RBM20: variants seen among roughly 807,000 people sequenced by gnomAD.
RBM20 encodes RNA-binding protein 20.
A neutral mutation model predicts 110.1 loss-of-function variants in RBM20; 51 were observed. The observed-to-expected ratio is 0.46, with a 90% CI of 0.37 to 0.59. RBM20 has a LOEUF of 0.59. RBM20 is among the 20% of genes least tolerant of loss of function. The pLI is 0.00. For synonymous variants in RBM20, 589 were observed against 618.2 expected (o/e 0.95, Z 0.70); for missense variants, 1,512 against 1,574.9 (o/e 0.96, Z 0.68).
chr10:110,805,830 C>T (rs975191675), intron 7 of RBM20, among the ~76,000 whole-genome samples: 1 of 152,140 alleles, frequency 6.6e-6, no homozygotes, highest in Non-Finnish European at 1.5e-5. Context: ...GTAGTTGGTC[C>T]CTTGTGGGGC....
intron 1 of RBM20, among the ~76,000 whole-genome samples, chr10:110,734,033 C>T (rs11195290): frequency 1.3e-5 from 2 of 152,024 alleles, no homozygotes; most frequent in African/African-American, 2.4e-5. Flanking sequence ...TTGTAAAAAT[C>T]AAATCAACCC....
intron 1 of RBM20, among the ~76,000 whole-genome samples, chr10:110,650,540 T>A (rs4918549): frequency 0.38 from 57,556 of 152,104 alleles, 12,470 homozygotes; most frequent in East Asian, 0.59. Flanking sequence ...TATCACCCCA[T>A]GAAGATAGTT....
In RBM20 at chr10:110,837,901, T is replaced by G. The variant is rs144707270; in HGVS notation, c.*1923T>G. On this transcript the variant is annotated 3_prime_UTR_variant, in exon 14 of 14. Coordinates refer to ENST00000369519, the MANE Select transcript of RBM20 (RefSeq NM_001134363.3). ...TCATCATCAGGCTATTAAATAAAAT[T>G]TATAGGAGGCTGTTGGTTTGGACTG... 6 of 152,034 alleles carry G rather than the reference T, an allele frequency of 3.9e-5. No homozygotes were observed. The highest frequency in any genetic ancestry group is 5.9e-5 in the Non-Finnish European group (4 of 68,000). 9.4% of individuals were successfully genotyped at this position (152,034 alleles called of 1,614,324 possible). A position where few individuals can be genotyped will look rare whatever the true frequency, so the allele number is the denominator to read the frequency against.
chr10:110,818,677 G>T (rs1286292100), intron 9 of RBM20, among the ~76,000 whole-genome samples: 2 of 152,270 alleles, frequency 1.3e-5, no homozygotes, highest in Non-Finnish European at 2.9e-5. Flanking sequence ...CGGCTAGCAA[G>T]ACTGTCCCTG....
At chr10:110,652,700 A>T (rs1024592488) in intron 1 of RBM20, among the ~76,000 whole-genome samples, 10 of 152,228 alleles carry the variant, frequency 6.6e-5, no homozygotes, top group African/African-American at 2.4e-4. Flanking sequence ...AAGGTCACAC[A>T]GCGAGGGAGT....
Position 110,781,819 on chromosome 10 carries a change from G to T in RBM20, c.1210G>T (p.Gly404Cys), listed in dbSNP as rs530925237. 1.9e-6 allele frequency: 3 copies of T among 1,551,754 alleles called. No individual in the cohort carries two copies. Among genetic ancestry groups the T allele is most frequent in the Non-Finnish European group, 2.6e-6 (3 of 1,147,018 alleles). The change falls in exon 2 of 14, where the codon GGT becomes TGT. Residue 404 changes from glycine to cysteine, a missense_variant. Gly to Cys is a radical substitution (Grantham distance 159). Around this residue, in one of 3 missense-constraint regions of RBM20, gnomAD observed 1,149 missense variants for 1,169.4 expected, o/e 0.98. Transcript: ENST00000369519. The stretch of plus-strand genomic sequence containing the variant: ...GGCTCATGAGCTGAACGACTTTCAC[G>T]GTGTGGCCCCCCTCCACTTGCCGCA... Reference protein sequence around the residue: ...LQAHELNDFHGVAPLHLPHIC... With the variant: ...LQAHELNDFHCVAPLHLPHIC...
intron 12 of RBM20, 130 bp downstream of exon 12, chr10:110,823,744 G>C: frequency 1.0e-6 from 1 of 955,570 alleles, no homozygotes; most frequent in Non-Finnish European, 1.6e-6. Context: ...TTGAGACAAG[G>C]TCTCACTCTG....
chr10:110,655,356 A>C (rs549661751), intron 1 of RBM20, among the ~76,000 whole-genome samples: 1 of 151,448 alleles, frequency 6.6e-6, no homozygotes, highest in Admixed American at 6.6e-5. Flanking sequence ...TTCCATGAAC[A>C]AATCTGACTC....
intron 1 of RBM20, among the ~76,000 whole-genome samples, chr10:110,760,078 G>A (rs979833681): frequency 6.6e-6 from 1 of 152,162 alleles, no homozygotes; most frequent in Non-Finnish European, 1.5e-5. Context: ...TGATGACCTT[G>A]GTCCCTCTGA....
chr10:110,740,428 T>G (rs2134967181), intron 1 of RBM20, among the ~76,000 whole-genome samples: 1 of 152,230 alleles, frequency 6.6e-6, no homozygotes, highest in South Asian at 2.1e-4. Flanking sequence ...GAGTGTTTCA[T>G]GGGCAAGGGT....
intron 1 of RBM20, among the ~76,000 whole-genome samples, chr10:110,730,265 T>G (rs1375661713): frequency 6.6e-6 from 1 of 152,254 alleles, no homozygotes. Context: ...CTCGGACTTC[T>G]GTTCTCCTGA....
intron 4 of RBM20, 143 bp from the exon 5 acceptor site, chr10:110,784,649 G>T: frequency 1.4e-6 from 1 of 711,256 alleles, no homozygotes; most frequent in Non-Finnish European, 2.5e-6. Context: ...CTGATTATCA[G>T]CATGTCCAGA....
chr10:110,661,874 G>C (rs1296980825), intron 1 of RBM20, among the ~76,000 whole-genome samples: 1 of 152,122 alleles, frequency 6.6e-6, no homozygotes, highest in South Asian at 2.1e-4. Context: ...AGCCAGGCAT[G>C]GTGGTGGGCA....
rs1057521554 is a variant in RBM20 at position 110,784,898 on chromosome 10, G to A, written c.1527+9G>A. 1.3e-5 allele frequency: 19 copies of A among 1,423,468 alleles called. No homozygotes were observed. Among genetic ancestry groups the A allele is most frequent in the East Asian group, 2.5e-5 (1 of 40,298 alleles). The allele number at this position is 1,423,468 out of a possible 1,614,324, so 88.2% of individuals were successfully genotyped here. A position where few individuals can be genotyped will look rare whatever the true frequency, so the allele number is the denominator to read the frequency against. On this transcript the variant is annotated intron_variant, in intron 5 of 13. Coordinates refer to ENST00000369519, the MANE Select transcript of RBM20 (RefSeq NM_001134363.3). ...CTTCTGTGGGGACAACTGTGAGTAC[G>A]GAAACATTTTCTCTAGAAATTAATG...
At chr10:110,730,346 C>A (rs569884111) in intron 1 of RBM20, among the ~76,000 whole-genome samples, 1 of 152,200 alleles carries the variant, frequency 6.6e-6, no homozygotes, top group African/African-American at 2.4e-5. Context: ...AAATTGAATG[C>A]GCCTGATTTT....
rs1844791105 is a variant in RBM20 at position 110,812,787 on chromosome 10, A to G, written c.2390A>G (p.His797Arg). The G allele has an allele frequency of 6.4e-7, 1 of 1,551,522 alleles. No homozygotes were observed. Among genetic ancestry groups the G allele is most frequent in the Non-Finnish European group, 8.7e-7 (1 of 1,146,866 alleles). Residue 797 changes from histidine to arginine, a missense_variant, in exon 9 of 14, where the codon CAT (histidine) becomes CGT (arginine). This residue lies in a region of RBM20 where 1,149 missense variants were observed against 1,169.4 expected (regional missense o/e 0.98). Coordinates refer to ENST00000369519, the MANE Select transcript of RBM20 (RefSeq NM_001134363.3). ...AGGCTGCGGGAAAGCAGACACCCCC[A>G]TCCGGATGACTCAGGCAAGGAAGAT... ...EARLRESRHP[H>R]PDDSGKEDGL...
At chr10:110,661,848 A>G in intron 1 of RBM20, among the ~76,000 whole-genome samples, 1 of 152,018 alleles carries the variant, frequency 6.6e-6, no homozygotes, top group Non-Finnish European at 1.5e-5. Flanking sequence ...CGTCTCTACT[A>G]AAAATACAAA....
chr10:110,700,299 T>C (rs1862738465), intron 1 of RBM20, among the ~76,000 whole-genome samples: 1 of 152,174 alleles, frequency 6.6e-6, no homozygotes, highest in South Asian at 2.1e-4. Flanking sequence ...ATTTTTTCAC[T>C]TGGGCGCTTC....
At chr10:110,749,919 G>A (rs900389954) in intron 1 of RBM20, among the ~76,000 whole-genome samples, 4 of 152,130 alleles carry the variant, frequency 2.6e-5, no homozygotes, top group Admixed American at 1.3e-4. Flanking sequence ...ATATCTTTAT[G>A]ACCTGAGAGG....
Sources: allele counts gnomAD v4.1 joint callset (sites outside exome capture counted in the v4.1 genomes callset), GRCh38; gene constraint gnomAD v4.1.1; regional missense constraint gnomAD v4.1.1; transcripts MANE v1.5; gene names NCBI Gene and HGNC (gene_info 2026-07-23, HGNC 2026-07-21).